Variants in PIGW observed in about 807,000 individuals in gnomAD.
The protein encoded by PIGW is phosphatidylinositol glycan anchor biosynthesis class W.
A neutral mutation model predicts 34.0 loss-of-function variants in PIGW; 23 were observed. The observed-to-expected ratio is 0.68, with a 90% CI of 0.49 to 0.96. The LOEUF (loss-of-function observed/expected upper bound fraction) is 0.96, where lower values mean the gene tolerates loss of function less well. PIGW is among the 40% of genes least tolerant of loss of function. The pLI is 0.00. For synonymous variants in PIGW, 225 were observed against 225.2 expected (o/e 1.00, Z 0.01); for missense variants, 574 against 586.3 (o/e 0.98, Z 0.22).
At position 36,537,208 on chromosome 17, in the gene PIGW, G is replaced by A. The variant is rs565741517; in HGVS notation, c.107G>A (p.Arg36Lys). The A allele has an allele frequency of 1.9e-6, 3 of 1,614,200 alleles. No individual in the cohort carries two copies. Among genetic ancestry groups the A allele is most frequent in the East Asian group, 2.2e-5 (1 of 44,886 alleles). Residue 36 changes from arginine (R) to lysine (K), a missense_variant, in exon 2 of 2, where the codon AGA becomes AAA. By Grantham distance (26) the Arg-to-Lys change is conservative. Coordinates refer to ENST00000614443, the MANE Select transcript of PIGW (RefSeq NM_001346754.2). Reference sequence around the variant, plus strand: ...TTTCCTGCATTCTGTATCCTGTGCAGAGGGTTCCTGATCATTTTCTCACAG... The same window carrying A: ...TTTCCTGCATTCTGTATCCTGTGCAAAGGGTTCCTGATCATTTTCTCACAG... ...LCFPAFCILC[R>K]GFLIIFSQYL...
chr17:36,538,755 T>C lies in PIGW; in HGVS notation c.*139T>C. The C allele has an allele frequency of 1.3e-6, 1 of 766,506 alleles. No individual in the cohort carries two copies. The highest frequency in any genetic ancestry group is 2.0e-6 in the Non-Finnish European group (1 of 490,326). The allele number at this position is 766,506 out of a possible 1,614,324, so 47.5% of individuals were successfully genotyped here. ...CAGTCATCTAAACAGCAGTGATGCT[T>C]AATTATTTTTTTTTTTGAGACAGAG... On this transcript the variant is annotated 3_prime_UTR_variant, in exon 2 of 2. Transcript: ENST00000614443.
Position 36,537,973 on chromosome 17 carries a change from G to GT in PIGW, c.873dup (p.Ser292Ter). The GT allele has an allele frequency of 6.2e-7, 1 of 1,614,008 alleles. No homozygotes were observed. Among genetic ancestry groups the GT allele is most frequent in the Non-Finnish European group, 8.5e-7 (1 of 1,180,008 alleles). On this transcript the variant is annotated frameshift_variant, in exon 2 of 2. Transcript: ENST00000614443. LOFTEE classifies it high-confidence loss of function. The stretch of plus-strand genomic sequence containing the variant: ...AGGTTAATATTATATGGCACTGATG[G>GT]TAGTGGCACACGGGTTGGTCTATTA...
intron 1 of PIGW, 144 bp from the exon 2 acceptor site, chr17:36,536,944 TGGAAGG>T (rs997191085): frequency 1.9e-5 from 12 of 629,204 alleles, no homozygotes; most frequent in Non-Finnish European, 3.3e-5. Flanking sequence ...CCACAATCCT[TGGAAGG>T]GGAATCACAA....
At chr17:36,536,553 TCTCA>T (rs1259521798) in intron 1 of PIGW, among the ~76,000 whole-genome samples, 1 of 133,366 alleles carries the variant, frequency 7.5e-6, no homozygotes, top group African/African-American at 2.8e-5. Flanking sequence ...TGAGATGGAG[TCTCA>T]CTCTGTGGCC....
chr17:36,535,459 A>C lies in PIGW; in HGVS notation c.-142A>C, dbSNP rs901538057. On this transcript the variant is annotated 5_prime_UTR_variant, in exon 1 of 2. Coordinates refer to ENST00000614443, the MANE Select transcript of PIGW (RefSeq NM_001346754.2). ...CGGAATCGGCCGGCCCGGAAGTGCC[A>C]GCTGCCTGCGTCGGCCGGAAGTGCC... 1 of 152,252 alleles carries C rather than the reference A, an allele frequency of 6.6e-6. No homozygotes were observed. The highest frequency in any genetic ancestry group is 2.4e-5 in the African/African-American group (1 of 41,452). 9.4% of individuals were successfully genotyped at this position (152,252 alleles called of 1,614,324 possible).
Position 36,538,742 on chromosome 17 carries a change from C to G in PIGW, c.*126C>G. 1 of 807,396 alleles carries G rather than the reference C, an allele frequency of 1.2e-6. No homozygotes were observed. The highest frequency in any genetic ancestry group is 3.2e-5 in the Admixed American group (1 of 31,608). The allele number at this position is 807,396 out of a possible 1,614,324, so 50.0% of individuals were successfully genotyped here. A position where few individuals can be genotyped will look rare whatever the true frequency, so the allele number is the denominator to read the frequency against. On this transcript the variant is annotated 3_prime_UTR_variant, in exon 2 of 2. Coordinates refer to ENST00000614443, the MANE Select transcript of PIGW (RefSeq NM_001346754.2). ...TATAAAATAGTTTCAGTCATCTAAACAGCAGTGATGCTTAATTATTTTTTT... is the reference window on the plus strand; with the variant it reads ...TATAAAATAGTTTCAGTCATCTAAAGAGCAGTGATGCTTAATTATTTTTTT...
rs960974120 is a variant in PIGW, at chr17:36,539,224, A to C, written c.*608A>C. On this transcript the variant is annotated 3_prime_UTR_variant, in exon 2 of 2. Coordinates refer to ENST00000614443, the MANE Select transcript of PIGW (RefSeq NM_001346754.2). The stretch of plus-strand genomic sequence containing the variant: ...TTACTTTCCATCTTAATGTAACCTT[A>C]TGCTATTCTGTATTTTTACTGTATA... 3 of 167,070 alleles carry C rather than the reference A, an allele frequency of 1.8e-5. No individual in the cohort carries two copies. The highest frequency in any genetic ancestry group is 7.2e-5 in the African/African-American group (3 of 41,438). 10.3% of individuals were successfully genotyped at this position (167,070 alleles called of 1,614,324 possible).
chr17:36,537,960 TATGGCACTGATGGTA>T lies in PIGW; in HGVS notation c.860_874del (p.Tyr287_Ser292delinsCys), dbSNP rs1028047017. 20 of 1,613,990 alleles carry T rather than the reference TATGGCACTGATGGTA, an allele frequency of 1.2e-5. No individual in the cohort carries two copies. Among genetic ancestry groups the T allele is most frequent in the Non-Finnish European group, 1.4e-5 (16 of 1,180,032 alleles). On this transcript the variant is annotated inframe_deletion, in exon 2 of 2. Coordinates refer to ENST00000614443, the MANE Select transcript of PIGW (RefSeq NM_001346754.2). ...TACCTCACTGAAGAGGTTAATATTATATGGCACTGATGGTAGTGGCACACGGGTTGGTCTATTAAA... is the reference window on the plus strand; with the variant it reads ...TACCTCACTGAAGAGGTTAATATTATGTGGCACACGGGTTGGTCTATTAAA...
In PIGW at chr17:36,537,927, C is replaced by G. The variant is rs2074165401; in HGVS notation, c.826C>G (p.Leu276Val). Residue 276 changes from leucine to valine, a missense_variant, in exon 2 of 2, where the codon CTT (leucine) becomes GTT (valine). Leu to Val is a conservative substitution (Grantham distance 32). Transcript: ENST00000614443. ...CATTACTGTATTATACCAGCTAGCC[C>G]TTGACTTTACCTCACTGAAGAGGTT... ...LGITVLYQLALDFTSLKRLIL... is the reference protein window; with the variant it reads ...LGITVLYQLAVDFTSLKRLIL... 6.2e-7 allele frequency: 1 copy of G among 1,613,934 alleles called. No individual in the cohort carries two copies. The highest frequency in any genetic ancestry group is 1.3e-5 in the African/African-American group (1 of 74,898).
At position 36,537,288 on chromosome 17, in the gene PIGW, G is replaced by A. The variant is rs2074154347; in HGVS notation, c.187G>A (p.Val63Ile). 1 of 1,613,528 alleles carries A rather than the reference G, an allele frequency of 6.2e-7. No homozygotes were observed. The highest frequency in any genetic ancestry group is 8.5e-7 in the Non-Finnish European group (1 of 1,179,970). Residue 63 changes from valine (V) to isoleucine (I), a missense_variant, in exon 2 of 2, where the codon GTC (valine) becomes ATC (isoleucine). By Grantham distance (29) the Val-to-Ile change is conservative. Transcript: ENST00000614443. ...AACTAGATTCCTCACTGACTTTGTT[G>A]TCCTAATAGTTCCCATGGTAGCCAC... is the stretch of plus-strand genomic sequence containing the variant. ...WKTRFLTDFV[V>I]LIVPMVATLT...
At chr17:36,536,651 A>G (rs2074137154) in intron 1 of PIGW, among the ~76,000 whole-genome samples, 1 of 148,884 alleles carries the variant, frequency 6.7e-6, no homozygotes, top group Non-Finnish European at 1.5e-5. Flanking sequence ...AGTAGCTGGG[A>G]TTACAGGCGG....
Position 36,537,921 on chromosome 17 carries a change from C to T in PIGW, c.820C>T (p.Leu274=), listed in dbSNP as rs763768682. 3 of 1,613,948 alleles carry T rather than the reference C, an allele frequency of 1.9e-6. No homozygotes were observed. Among genetic ancestry groups the T allele is most frequent in the African/African-American group, 2.7e-5 (2 of 74,900 alleles). The part of the protein sequence containing the change: ...IALGITVLYQ[L]ALDFTSLKRL... ...CCTCGGCATTACTGTATTATACCAGCTAGCCCTTGACTTTACCTCACTGAA... is the reference window on the plus strand; with the variant it reads ...CCTCGGCATTACTGTATTATACCAGTTAGCCCTTGACTTTACCTCACTGAA... The change falls in exon 2 of 2, where the codon CTA becomes TTA. Residue 274 remains leucine, a synonymous_variant. Transcript: ENST00000614443.
At position 36,538,760 on chromosome 17, in the gene PIGW, A is replaced by AT. The variant is rs886974752; in HGVS notation, c.*155dup. 0.02 allele frequency: 11,533 copies of AT among 580,304 alleles called. 1 individual carries two copies. Among genetic ancestry groups the AT allele is most frequent in the South Asian group, 0.026 (849 of 33,200 alleles). 35.9% of individuals were successfully genotyped at this position (580,304 alleles called of 1,614,324 possible). On this transcript the variant is annotated 3_prime_UTR_variant, in exon 2 of 2. Coordinates refer to ENST00000614443, the MANE Select transcript of PIGW (RefSeq NM_001346754.2). ...ATCTAAACAGCAGTGATGCTTAATT[A>AT]TTTTTTTTTTTGAGACAGAGTCTTG... is the stretch of plus-strand genomic sequence containing the variant.
Position 36,538,816 on chromosome 17 carries a change from C to T in PIGW, c.*200C>T. ...TTACCCAGGCTGGAGTGTAGTGGTG[C>T]CATCTCAGCTCACTGCAACCTCCAC... On this transcript the variant is annotated 3_prime_UTR_variant, in exon 2 of 2. Coordinates refer to ENST00000614443, the MANE Select transcript of PIGW (RefSeq NM_001346754.2). The T allele has an allele frequency of 2.0e-6, 1 of 511,526 alleles. No homozygotes were observed. Among genetic ancestry groups the T allele is most frequent in the Non-Finnish European group, 3.5e-6 (1 of 289,800 alleles). 31.7% of individuals were successfully genotyped at this position (511,526 alleles called of 1,614,324 possible).
chr17:36,537,097 G>C lies in PIGW; in HGVS notation c.-5G>C, dbSNP rs1173859711. The C allele has an allele frequency of 6.3e-7, 1 of 1,578,988 alleles. No homozygotes were observed. Among genetic ancestry groups the C allele is most frequent in the Non-Finnish European group, 8.6e-7 (1 of 1,164,608 alleles). On this transcript the variant is annotated 5_prime_UTR_variant, in exon 2 of 2. Transcript: ENST00000614443. ...TCCTTTGCTCTTGTTTTCACAGGAA[G>C]AAAAATGTCTGAAAAGCAGATGAAG...
Position 36,538,128 on chromosome 17 carries a change from C to A in PIGW, c.1027C>A (p.Leu343Ile). 2.5e-6 allele frequency: 4 copies of A among 1,614,132 alleles called. 1 individual carries two copies. The African/African-American group carries it at 5.3e-5, about 22-fold the overall frequency. The part of the protein sequence containing the change: ...IKDLIKVACF[L>I]LLAAISLFIS... ...AGACTTGATAAAAGTAGCCTGTTTT[C>A]TTTTACTGGCAGCTATTAGCCTCTT... The change falls in exon 2 of 2, where the codon CTT becomes ATT. Residue 343 changes from leucine (L) to isoleucine (I), a missense_variant. Physicochemically the swap from Leu to Ile is conservative, Grantham distance 5. Transcript: ENST00000614443.
At position 36,538,511 on chromosome 17, in the gene PIGW, C is replaced by T. The variant is rs773413994; in HGVS notation, c.1410C>T (p.His470=). 79 of 1,613,780 alleles carry T rather than the reference C, an allele frequency of 4.9e-5. 1 individual carries two copies. The Middle Eastern group carries it at 9.9e-4, about 20-fold the overall frequency. ...GLINLMVDTL[H]SSTLWALFVV... is the part of the protein sequence containing the mutation. ...TCAACCTGATGGTAGATACATTACA[C>T]AGCAGTACCTTGTGGGCCTTATTTG... The change falls in exon 2 of 2, where the codon CAC becomes CAT. Residue 470 remains histidine (H), a synonymous_variant. Transcript: ENST00000614443.
intron 1 of PIGW, among the ~76,000 whole-genome samples, chr17:36,535,996 G>A (rs867388153): frequency 6.6e-6 from 1 of 152,066 alleles, no homozygotes; most frequent in African/African-American, 2.4e-5. Context: ...CATAATGCAC[G>A]CATGCATTCA....
chr17:36,536,703 C>T (rs1267544721), intron 1 of PIGW, among the ~76,000 whole-genome samples: 1 of 151,906 alleles, frequency 6.6e-6, no homozygotes, highest in African/African-American at 2.4e-5. Flanking sequence ...TTAGTAGAGA[C>T]GGGCTTTCAC....
Sources: gnomAD v4.1 joint callset for allele counts (sites outside exome capture counted in the v4.1 genomes callset) on GRCh38, gnomAD v4.1.1 for gene constraint, MANE v1.5 for transcripts, NCBI Gene and HGNC (gene_info 2026-07-23, HGNC 2026-07-21) for gene names.